The following EDNRA variants were observed in gnomAD, a reference collection of about 807,000 sequenced individuals.
The protein encoded by EDNRA is endothelin-1 receptor.
In EDNRA, 11 loss-of-function variants were observed where a neutral mutation model predicts 41.4. The ratio of observed to expected loss-of-function variants is 0.27; its 90% CI spans 0.17 to 0.44. EDNRA has a LOEUF of 0.44. EDNRA is among the 20% of genes least tolerant of loss of function. The pLI, the probability that EDNRA is intolerant of heterozygous loss-of-function variation, is 1.00. For missense variants in EDNRA, 294 were observed against 531.0 expected (o/e 0.55, Z 4.39); for synonymous variants, 172 against 183.0 (o/e 0.94, Z 0.49).
chr4:147,486,386 G>T lies in EDNRA; in HGVS notation c.420+285G>T, dbSNP rs937672161. On this transcript the variant is annotated intron_variant, in intron 2 of 7. Coordinates refer to ENST00000651419, the MANE Select transcript of EDNRA (RefSeq NM_001957.4). The surrounding 1 kb of genome is among the most constrained non-coding windows in gnomAD (Gnocchi z 4.3). ...TCTCATGCCACCCCTGGGCTTGCTG[G>T]TTGGATAGGCTGTCTTGGCAAGATC... Among the ~76,000 whole-genome samples, 1 of 152,102 alleles carries T rather than the reference G, an allele frequency of 6.6e-6. No individual in the cohort carries two copies. Among genetic ancestry groups the T allele is most frequent in the African/African-American group, 2.4e-5 (1 of 41,412 alleles).
chr4:147,532,767 T>C (rs2126475031), intron 4 of EDNRA, 63 bp downstream of exon 4: 2 of 1,520,620 alleles, frequency 1.3e-6, no homozygotes, highest in Non-Finnish European at 1.8e-6. Context: ...GACTTCACCA[T>C]CTTGAGACTT....
chr4:147,491,431 T>G (rs1021186565), intron 2 of EDNRA: 2 of 152,192 alleles, frequency 1.3e-5, no homozygotes, highest in Non-Finnish European at 2.9e-5. Context: ...TTGTCACAAC[T>G]TACAGATTAG....
At chr4:147,539,588 G>A (rs559659131) in intron 5 of EDNRA, among the ~76,000 whole-genome samples, 1 of 151,996 alleles carries the variant, frequency 6.6e-6, no homozygotes, top group African/African-American at 2.4e-5. Flanking sequence ...ACCAACCTGA[G>A]GCCCCCATCC....
At chr4:147,541,888 A>G (rs1293753314) in intron 7 of EDNRA, among the ~76,000 whole-genome samples, 1 of 152,196 alleles carries the variant, frequency 6.6e-6, no homozygotes, top group Non-Finnish European at 1.5e-5. Context: ...GGGGAGGGAA[A>G]ATCAAGGTAA....
chr4:147,506,834 C>G (rs1300728323), intron 2 of EDNRA: 1 of 175,732 alleles, frequency 5.7e-6, no homozygotes, highest in Admixed American at 6.2e-5. Flanking sequence ...TACTGGAAGG[C>G]TTGAACACCG....
At position 147,544,300 on chromosome 4, in the gene EDNRA, C is replaced by T. The variant is rs1180683635; in HGVS notation, c.*1682C>T. 2.0e-5 allele frequency: 3 copies of T among 153,214 alleles called. No individual in the cohort carries two copies. Among genetic ancestry groups the T allele is most frequent in the Admixed American group, 6.6e-5 (1 of 15,264 alleles). The allele number at this position is 153,214 out of a possible 1,614,324, so 9.5% of individuals were successfully genotyped here. ...AGCGTGAAAGCAGATGAGCTGTGGACTAGCAATATAGGGTTTTGTTTGGTT... is the reference window on the plus strand; with the variant it reads ...AGCGTGAAAGCAGATGAGCTGTGGATTAGCAATATAGGGTTTTGTTTGGTT... On this transcript the variant is annotated 3_prime_UTR_variant, in exon 8 of 8. Transcript: ENST00000651419.
intron 3 of EDNRA, among the ~76,000 whole-genome samples, chr4:147,520,973 T>G (rs1277728275): frequency 6.6e-6 from 1 of 152,188 alleles, no homozygotes; most frequent in Non-Finnish European, 1.5e-5. Flanking sequence ...TAAATTTATG[T>G]CAGCTGGGCA....
intron 2 of EDNRA, among the ~76,000 whole-genome samples, chr4:147,498,628 G>A (rs1263757857): frequency 6.6e-6 from 1 of 152,126 alleles, no homozygotes; most frequent in East Asian, 1.9e-4. Context: ...GGCCATTTAT[G>A]GAAAAAGTTT....
chr4:147,542,339 A>G, intron 7 of EDNRA, 139 bp from the exon 8 acceptor site: 1 of 1,143,536 alleles, frequency 8.7e-7, no homozygotes, highest in Non-Finnish European at 1.2e-6. Context: ...CAGGCTCTCC[A>G]CTCTAGGTTA....
intron 2 of EDNRA, chr4:147,491,619 T>A (rs185557382): frequency 6.6e-6 from 1 of 152,264 alleles, no homozygotes; most frequent in Admixed American, 6.5e-5. Context: ...GGATTCTTCA[T>A]TTATAGACAA....
intron 2 of EDNRA, chr4:147,506,270 A>G (rs1347501279): frequency 8.3e-6 from 4 of 481,154 alleles, no homozygotes; most frequent in Admixed American, 6.9e-5. Flanking sequence ...AAGAACATCC[A>G]TTTGTCTTGC....
At chr4:147,493,473 T>G (rs1231931960) in intron 2 of EDNRA, 5 of 152,086 alleles carry the variant, frequency 3.3e-5, no homozygotes, top group African/African-American at 1.2e-4. Context: ...GTCGCTGAAG[T>G]TGATTTTGAG....
intron 3 of EDNRA, among the ~76,000 whole-genome samples, chr4:147,529,822 G>A (rs932505673): frequency 6.6e-6 from 1 of 152,096 alleles, no homozygotes; most frequent in Non-Finnish European, 1.5e-5. Context: ...GTGTTTCATG[G>A]TTTCCATACA....
chr4:147,527,011 A>C (rs1225396987), intron 3 of EDNRA, among the ~76,000 whole-genome samples: 1 of 152,250 alleles, frequency 6.6e-6, no homozygotes, highest in African/African-American at 2.4e-5. Flanking sequence ...TGAGAGATAT[A>C]AATCATTAAC....
At chr4:147,483,914 T>C (rs1029818909) in intron 1 of EDNRA, among the ~76,000 whole-genome samples, 3 of 151,994 alleles carry the variant, frequency 2.0e-5, no homozygotes, top group Admixed American at 2.0e-4. Context: ...AAAGACAGGG[T>C]CTCACTAAGT....
At chr4:147,537,394 A>C (rs1312743916) in intron 5 of EDNRA, among the ~76,000 whole-genome samples, 1 of 152,202 alleles carries the variant, frequency 6.6e-6, no homozygotes, top group Non-Finnish European at 1.5e-5. Flanking sequence ...TGAAAGTTTC[A>C]AATACTCCAA....
intron 3 of EDNRA, among the ~76,000 whole-genome samples, chr4:147,522,173 T>C (rs1311939340): frequency 6.6e-6 from 1 of 152,180 alleles, no homozygotes; most frequent in East Asian, 1.9e-4. Flanking sequence ...TACATATCAA[T>C]AATAATATTT....
chr4:147,482,951 T>C (rs1728822902), intron 1 of EDNRA, among the ~76,000 whole-genome samples: 6 of 152,228 alleles, frequency 3.9e-5, no homozygotes. Context: ...CTCTCTCTCA[T>C]TTTTAAGAAA....
intron 7 of EDNRA, among the ~76,000 whole-genome samples, chr4:147,540,742 C>A (rs890746104): frequency 6.6e-6 from 1 of 152,106 alleles, no homozygotes; most frequent in African/African-American, 2.4e-5. Context: ...TAGAACCCTC[C>A]TTTAGAGAGA....
Sources: gnomAD v4.1 joint callset for allele counts (sites outside exome capture counted in the v4.1 genomes callset) on GRCh38, gnomAD v4.1.1 for gene constraint, Gnocchi (gnomAD v3.1) non-coding constraint, MANE v1.5 for transcripts, NCBI Gene and HGNC (gene_info 2026-07-23, HGNC 2026-07-21) for gene names.